CEP112: variants seen among roughly 807,000 people sequenced by gnomAD.
CEP112 encodes the protein centrosomal protein 112, also known as centrosomal protein of 112 kDa.
Under a neutral mutation model 153.0 loss-of-function variants are expected in CEP112, and 127 were observed. The observed-to-expected ratio is 0.83, with a 90% confidence interval of 0.72 to 0.96. CEP112 has a LOEUF of 0.96. Ranked by LOEUF, CEP112 falls within the 40% of genes least tolerant of loss-of-function variation. The pLI, the probability that CEP112 is intolerant of heterozygous loss-of-function variation, is 0.00. For missense variants in CEP112, 1,089 were observed against 1,101.2 expected (o/e 0.99, Z 0.16); for synonymous variants, 358 against 374.4 (o/e 0.96, Z 0.51).
At chr17:66,133,351 C>T (rs1014538303) in intron 4 of CEP112, among the ~76,000 whole-genome samples, 1 of 152,142 alleles carries the variant, frequency 6.6e-6, no homozygotes, top group African/African-American at 2.4e-5. Context: ...TCATGTTCCA[C>T]ATCAACATGA....
intron 18 of CEP112, among the ~76,000 whole-genome samples, chr17:65,930,401 C>T (rs2061078454): frequency 1.3e-5 from 2 of 152,182 alleles, no homozygotes; most frequent in African/African-American, 4.8e-5. Flanking sequence ...ATGCATATTA[C>T]CACCCACTAC....
At chr17:65,993,790 G>T (rs1445985918) in intron 17 of CEP112, among the ~76,000 whole-genome samples, 1 of 152,094 alleles carries the variant, frequency 6.6e-6, no homozygotes, top group Admixed American at 6.6e-5. Context: ...TTCAAAAATA[G>T]ATAAAAAGTG....
intron 20 of CEP112, among the ~76,000 whole-genome samples, chr17:65,893,022 T>C (rs2059527640): frequency 6.6e-6 from 1 of 152,098 alleles, no homozygotes; most frequent in Non-Finnish European, 1.5e-5. Context: ...ACCACTTTAA[T>C]TTTAACCTTT....
intron 23 of CEP112, among the ~76,000 whole-genome samples, chr17:65,724,889 C>T (rs1411997099): frequency 1.3e-5 from 2 of 152,128 alleles, no homozygotes; most frequent in African/African-American, 4.8e-5. Flanking sequence ...TCCTGCTGCC[C>T]CCAAGGCTGC....
intron 16 of CEP112, among the ~76,000 whole-genome samples, chr17:66,013,528 T>C (rs1412360152): frequency 1.3e-5 from 2 of 152,204 alleles, no homozygotes; most frequent in Non-Finnish European, 2.9e-5. Context: ...CCACACTGTA[T>C]ACTCTAACTC....
At chr17:65,811,215 A>G (rs767568972) in intron 21 of CEP112, among the ~76,000 whole-genome samples, 77 of 152,302 alleles carry the variant, frequency 5.1e-4, no homozygotes, top group Non-Finnish European at 6.6e-4. Flanking sequence ...GGGATTGCCA[A>G]TGAGGAAGGT....
At chr17:65,994,629 C>T (rs1452506943) in intron 17 of CEP112, among the ~76,000 whole-genome samples, 1 of 152,126 alleles carries the variant, frequency 6.6e-6, no homozygotes, top group Admixed American at 6.6e-5. Flanking sequence ...GCACACAGCC[C>T]TCATTTAACT....
intron 19 of CEP112, among the ~76,000 whole-genome samples, chr17:65,918,618 C>T (rs1391517284): frequency 6.6e-6 from 1 of 152,154 alleles, no homozygotes; most frequent in Non-Finnish European, 1.5e-5. Flanking sequence ...CCAAAGAAAT[C>T]TCTATAGTCC....
chr17:66,167,580 T>G (rs1235971291), intron 4 of CEP112, among the ~76,000 whole-genome samples: 1 of 152,082 alleles, frequency 6.6e-6, no homozygotes, highest in African/African-American at 2.4e-5. Context: ...AACCTAGAAA[T>G]AACCAAAAAC....
intron 8 of CEP112, among the ~76,000 whole-genome samples, chr17:66,076,698 T>A (rs2067512899): frequency 6.6e-6 from 1 of 152,152 alleles, no homozygotes; most frequent in Admixed American, 6.5e-5. Flanking sequence ...CTCTCCATAG[T>A]ACCACAGCTG....
intron 21 of CEP112, among the ~76,000 whole-genome samples, chr17:65,788,929 C>T (rs1275123868): frequency 6.6e-6 from 1 of 152,166 alleles, no homozygotes; most frequent in Admixed American, 6.5e-5. Flanking sequence ...AATTGCTTAT[C>T]GATCTATAGC....
At chr17:66,135,458 T>C (rs906601639) in intron 4 of CEP112, among the ~76,000 whole-genome samples, 1 of 152,122 alleles carries the variant, frequency 6.6e-6, no homozygotes, top group Non-Finnish European at 1.5e-5. Context: ...GAATAACAAG[T>C]GCCACACGCC....
intron 19 of CEP112, among the ~76,000 whole-genome samples, chr17:65,918,278 A>G (rs1358910342): frequency 6.6e-6 from 1 of 152,152 alleles, no homozygotes; most frequent in Non-Finnish European, 1.5e-5. Context: ...AAGGACAAGG[A>G]TTGGGAATCA....
intron 24 of CEP112, among the ~76,000 whole-genome samples, chr17:65,677,235 T>C (rs1480231005): frequency 1.3e-5 from 2 of 152,248 alleles, no homozygotes; most frequent in Non-Finnish European, 2.9e-5. Context: ...TTTATTTTCC[T>C]TTATTATAAT....
intron 18 of CEP112, among the ~76,000 whole-genome samples, chr17:65,952,323 C>T (rs1384302142): frequency 6.6e-6 from 1 of 152,032 alleles, no homozygotes; most frequent in East Asian, 1.9e-4. Context: ...AAGACTTTCT[C>T]ACTGAAAAGA....
At chr17:66,059,610 A>C (rs993134095) in intron 11 of CEP112, among the ~76,000 whole-genome samples, 6 of 152,204 alleles carry the variant, frequency 3.9e-5, no homozygotes, top group African/African-American at 1.4e-4. Context: ...ACCACCTCAC[A>C]CCAGTAAAAA....
intron 21 of CEP112, among the ~76,000 whole-genome samples, chr17:65,792,114 C>T (rs1040962962): frequency 4.6e-5 from 7 of 152,138 alleles, no homozygotes; most frequent in African/African-American, 1.4e-4. Flanking sequence ...AGTTAAACAG[C>T]GCTCCTACAC....
At chr17:65,943,309 G>C (rs779548815) in intron 18 of CEP112, among the ~76,000 whole-genome samples, 1 of 152,182 alleles carries the variant, frequency 6.6e-6, no homozygotes, top group Admixed American at 6.5e-5. Flanking sequence ...ATGTATGTTA[G>C]TGTGGGTGAA....
intron 6 of CEP112, among the ~76,000 whole-genome samples, chr17:66,111,947 A>T (rs376389510): frequency 3.3e-5 from 5 of 152,204 alleles, no homozygotes; most frequent in African/African-American, 1.2e-4. Context: ...AAACTGAGAG[A>T]TGTTTGCACA....
Sources: gnomAD v4.1 joint callset for allele counts (sites outside exome capture counted in the v4.1 genomes callset) on GRCh38, gnomAD v4.1.1 for gene constraint, MANE v1.5 for transcripts, NCBI Gene and HGNC (gene_info 2026-07-23, HGNC 2026-07-21) for gene names.